The following CEP72 variants were observed in gnomAD, a reference collection of about 807,000 sequenced individuals.
CEP72 encodes centrosomal protein 72, also known as centrosomal protein of 72 kDa.
In CEP72, 78 loss-of-function variants were observed where a neutral mutation model predicts 65.7. That is an observed-to-expected ratio of 1.19 (90% CI 0.99 to 1.43). The LOEUF is 1.43. Ranked by LOEUF, CEP72 falls within the 40% of genes most tolerant of loss-of-function variation. The pLI is 0.00. For missense variants in CEP72, 914 were observed against 832.9 expected, an observed-to-expected ratio of 1.10 and a Z score of -1.20; for synonymous variants, 358 against 351.7, an observed-to-expected ratio of 1.02 and a Z score of -0.20.
At chr5:638,828 G>A (rs1258099794) in intron 7 of CEP72, among the ~76,000 whole-genome samples, 1 of 152,100 alleles carries the variant, frequency 6.6e-6, no homozygotes, top group Non-Finnish European at 1.5e-5. Context: ...GGAGGAGTCT[G>A]GGGCCTGCTT....
rs764057993 is a variant in CEP72, at chr5:640,621, G to A, written c.1539+17G>A. ...AAGGAGCTGGTGAGCCCGCCCTGGC[G>A]CTGTGTCTGTGTCCATGTGACTGGG... On this transcript the variant is annotated intron_variant, in intron 9 of 11. Coordinates refer to ENST00000264935, the MANE Select transcript of CEP72 (RefSeq NM_018140.4). 1.1e-5 allele frequency: 17 copies of A among 1,600,052 alleles called. No individual in the cohort carries two copies. The highest frequency in any genetic ancestry group is 3.3e-5 in the South Asian group (3 of 89,960).
intron 1 of CEP72, among the ~76,000 whole-genome samples, chr5:614,479 C>T (rs1480520349): frequency 7.4e-6 from 1 of 135,536 alleles, no homozygotes. Flanking sequence ...GGTGGAGTCT[C>T]GCTCTGTCAC....
intron 9 of CEP72, chr5:643,711 G>A (rs1738218342): frequency 6.2e-6 from 6 of 963,208 alleles, no homozygotes; most frequent in Non-Finnish European, 7.4e-6. Flanking sequence ...AGGTGCTGGC[G>A]GCTTGGATGG....
At chr5:674,097 C>G in the CEP72 span, among the ~76,000 whole-genome samples, 1 of 152,270 alleles carries the variant, frequency 6.6e-6, no homozygotes, top group Admixed American at 6.5e-5. Flanking sequence ...CTGACGGCCC[C>G]TGGACAGGCT....
At chr5:649,073 G>GAGGTGTGACTGTC (rs1363488900) in intron 11 of CEP72, among the ~76,000 whole-genome samples, 215 of 136,554 alleles carry the variant, frequency 1.6e-3, no homozygotes, top group Non-Finnish European at 2.7e-3. Context: ...TGTGGACTGT[G>GAGGTGTGACTGTC]AGGTGTGACT....
downstream of CEP72, among the ~76,000 whole-genome samples, chr5:653,803 C>T (rs548019896): frequency 6.6e-5 from 10 of 152,306 alleles, no homozygotes; most frequent in African/African-American, 2.4e-4. Flanking sequence ...AAAATTATGT[C>T]ATAATAGGAC....
chr5:653,224 T>C lies in CEP72; in HGVS notation c.*71T>C. 2.9e-6 allele frequency: 4 copies of C among 1,401,782 alleles called. No homozygotes were observed. The South Asian group carries it at 4.4e-5, about 16-fold the overall frequency. The allele number at this position is 1,401,782 out of a possible 1,614,324, so 86.8% of individuals were successfully genotyped here. A position where few individuals can be genotyped will look rare whatever the true frequency, so the allele number is the denominator to read the frequency against. On this transcript the variant is annotated 3_prime_UTR_variant, in exon 12 of 12. Coordinates refer to ENST00000264935, the MANE Select transcript of CEP72 (RefSeq NM_018140.4). ...TACATTGTCTGCACCTTTGTACTTCTTTATTGAGTGTACTGGCTGGCAAGA... is the reference window on the plus strand; with the variant it reads ...TACATTGTCTGCACCTTTGTACTTCCTTATTGAGTGTACTGGCTGGCAAGA...
rs913680996 is a variant in CEP72 at position 625,785 on chromosome 5, C to T, written c.512+1206C>T. On this transcript the variant is annotated intron_variant, in intron 4 of 11. Transcript: ENST00000264935. ...TGCTGGTGATCTACGCAGCCGCTGG[C>T]GTTGTTTGTCTCGGAGGGCCTCCCT... Among the ~76,000 whole-genome samples the T allele has an allele frequency of 9.2e-5, 14 of 152,234 alleles. No homozygotes were observed. In the South Asian group the frequency reaches 1.7e-3, roughly 18 times the overall value.
the CEP72 span, among the ~76,000 whole-genome samples, chr5:672,703 C>T: frequency 6.6e-6 from 1 of 152,252 alleles, no homozygotes; most frequent in South Asian, 2.1e-4. Flanking sequence ...ATTCGCTGTC[C>T]ATGGCTCTAC....
downstream of CEP72, chr5:657,128 T>C (rs539446803): frequency 3.3e-5 from 5 of 152,350 alleles, no homozygotes; most frequent in South Asian, 8.3e-4. Flanking sequence ...CATATTGTTA[T>C]ATTTGGTTTG....
At chr5:620,883 G>A (rs552559740) in intron 3 of CEP72, among the ~76,000 whole-genome samples, 1 of 152,340 alleles carries the variant, frequency 6.6e-6, no homozygotes, top group East Asian at 1.9e-4. Flanking sequence ...TCTGCCTCCT[G>A]CCTCCCCGGA....
At chr5:665,739 C>T (rs1230845020) in intron 3 of CEP72, among the ~76,000 whole-genome samples, 10 of 133,334 alleles carry the variant, frequency 7.5e-5, no homozygotes, top group Middle Eastern at 4.0e-3. Flanking sequence ...TTCCTGACCA[C>T]GCCTCCCCAG....
intron 4 of CEP72, among the ~76,000 whole-genome samples, chr5:626,772 G>T (rs1736785649): frequency 6.6e-6 from 1 of 152,188 alleles, no homozygotes; most frequent in African/African-American, 2.4e-5. Context: ...AGTGAGCTAT[G>T]ATCGCACCAC....
At chr5:663,087 T>TGACTGGGC (rs1739727371) in intron 1 of CEP72, 1 of 150,862 alleles carries the variant, frequency 6.6e-6, no homozygotes, top group Non-Finnish European at 1.5e-5. Flanking sequence ...TGCTTGTCTG[T>TGACTGGGC]GATTGGGCGA....
At chr5:619,501 G>A (rs537790983) in intron 2 of CEP72, among the ~76,000 whole-genome samples, 10 of 152,298 alleles carry the variant, frequency 6.6e-5, no homozygotes, top group East Asian at 1.9e-4. Context: ...CGTGGGATGC[G>A]CCTGCCCTGA....
At position 637,513 on chromosome 5, in the gene CEP72, TC is replaced by T. The variant is rs1399853654; in HGVS notation, c.905-3del. 1 of 1,610,778 alleles carries T rather than the reference TC, an allele frequency of 6.2e-7. No homozygotes were observed. Among genetic ancestry groups the T allele is most frequent in the South Asian group, 1.1e-5 (1 of 90,678 alleles). On this transcript the variant is annotated splice_polypyrimidine_tract_variant and splice_region_variant and intron_variant, in intron 6 of 11. Transcript: ENST00000264935. ...ACGTGCGCCCCATCCTCTCTATATCTCAGACTCCATGGATACCGAGGACTCG... is the reference window on the plus strand; with the variant it reads ...ACGTGCGCCCCATCCTCTCTATATCTAGACTCCATGGATACCGAGGACTCG...
intron 10 of CEP72, among the ~76,000 whole-genome samples, chr5:646,745 G>C (rs964231338): frequency 3.3e-5 from 5 of 152,222 alleles, no homozygotes; most frequent in Admixed American, 6.5e-5. Context: ...GGCCCACTGG[G>C]TTTCCCAAGG....
chr5:636,555 A>G (rs978386773), intron 6 of CEP72, among the ~76,000 whole-genome samples: 15 of 152,242 alleles, frequency 9.9e-5, no homozygotes, highest in Admixed American at 8.5e-4. Flanking sequence ...TCACGCCTAT[A>G]ATCCCAATAT....
intron 9 of CEP72, chr5:642,387 C>A (rs1047239590): frequency 1.0e-6 from 1 of 984,796 alleles, no homozygotes; most frequent in Non-Finnish European, 1.2e-6. Context: ...ACACGTGTGG[C>A]CCCCCGTCTG....
Sources: gnomAD v4.1 joint callset for allele counts (sites outside exome capture counted in the v4.1 genomes callset) on GRCh38, gnomAD v4.1.1 for gene constraint, MANE v1.5 for transcripts, NCBI Gene and HGNC (gene_info 2026-07-23, HGNC 2026-07-21) for gene names.